CALN1: variants seen among roughly 807,000 people sequenced by gnomAD.
CALN1 encodes calcium-binding protein 8.
CALN1 carries 17 observed loss-of-function variants against 30.6 expected under a neutral mutation model. The observed-to-expected ratio is 0.56, with a 90% CI of 0.38 to 0.83. The LOEUF is 0.83. Ranked by LOEUF, CALN1 falls within the 40% of genes least tolerant of loss-of-function variation. The pLI is 0.00. For missense variants in CALN1, 291 were observed against 354.9 expected, an observed-to-expected ratio of 0.82 and a Z score of 1.45; for synonymous variants, 156 against 131.4, an observed-to-expected ratio of 1.19 and a Z score of -1.28.
At chr7:72,368,326 G>C (rs572782339) in intron 2 of CALN1, among the ~76,000 whole-genome samples, 8 of 151,256 alleles carry the variant, frequency 5.3e-5, no homozygotes, top group Admixed American at 4.0e-4. Flanking sequence ...CTTGTGATTT[G>C]TGCACTTTTT....
intron 2 of CALN1, among the ~76,000 whole-genome samples, chr7:72,359,714 G>T (rs1317500720): frequency 6.6e-6 from 1 of 151,954 alleles, no homozygotes; most frequent in Admixed American, 6.6e-5. Context: ...GATGGCTCAC[G>T]CCTGTAATCT....
intron 3 of CALN1, among the ~76,000 whole-genome samples, chr7:72,151,910 C>CTTTTTT (rs369752622): frequency 7.5e-6 from 1 of 132,864 alleles, no homozygotes; most frequent in Admixed American, 7.9e-5. Flanking sequence ...TTATTCTTTT[C>CTTTTTT]TTTTTTTTTT....
chr7:72,256,193 T>A (rs567110552), intron 3 of CALN1, among the ~76,000 whole-genome samples: 2 of 152,266 alleles, frequency 1.3e-5, no homozygotes, highest in Admixed American at 1.3e-4. Context: ...ACACAGTGGC[T>A]CACACCTATG....
chr7:72,477,170 C>T, the CALN1 span, among the ~76,000 whole-genome samples: 1 of 151,700 alleles, frequency 6.6e-6, no homozygotes, highest in South Asian at 2.1e-4. Flanking sequence ...GAGATCGTGC[C>T]ACTGAACTCC....
chr7:72,483,703 C>T, the CALN1 span, among the ~76,000 whole-genome samples: 2 of 152,074 alleles, frequency 1.3e-5, no homozygotes, highest in South Asian at 4.1e-4. Flanking sequence ...TTCTGCAATC[C>T]CTTCTCTCCT....
chr7:71,960,675 C>A (rs1365610928), intron 5 of CALN1, among the ~76,000 whole-genome samples: 2 of 152,092 alleles, frequency 1.3e-5, no homozygotes, highest in African/African-American at 4.8e-5. Context: ...TGATTTCTTT[C>A]CTGGTAGTGG....
intron 3 of CALN1, among the ~76,000 whole-genome samples, chr7:72,230,153 C>CA (rs374465144): frequency 1.3e-5 from 2 of 151,356 alleles, no homozygotes; most frequent in African/African-American, 4.9e-5. Flanking sequence ...AAAACAAAAA[C>CA]AAAAACAAAA....
intron 5 of CALN1, among the ~76,000 whole-genome samples, chr7:71,924,058 T>C (rs1168400249): frequency 2.0e-5 from 3 of 152,038 alleles, no homozygotes; most frequent in Non-Finnish European, 4.4e-5. Context: ...CCAGGCATGG[T>C]GGCGGCCACC....
intron 4 of CALN1, among the ~76,000 whole-genome samples, chr7:72,079,240 C>A (rs1270366570): frequency 3.9e-5 from 6 of 152,138 alleles, no homozygotes; most frequent in Non-Finnish European, 8.8e-5. Flanking sequence ...GACTTAATTT[C>A]TCTGTGCTTC....
At chr7:72,210,862 G>A (rs1225372827) in intron 3 of CALN1, among the ~76,000 whole-genome samples, 2 of 151,702 alleles carry the variant, frequency 1.3e-5, no homozygotes, top group Non-Finnish European at 2.9e-5. Flanking sequence ...ACCAGCCTGG[G>A]AAAGATGATG....
chr7:72,493,692 C>T, the CALN1 span, among the ~76,000 whole-genome samples: 1 of 152,164 alleles, frequency 6.6e-6, no homozygotes, highest in Non-Finnish European at 1.5e-5. Context: ...TCTTGAAGCC[C>T]TTCTGAAATG....
At chr7:72,449,495 T>A (rs1312119451), upstream of CALN1, among the ~76,000 whole-genome samples, 1 of 152,156 alleles carries the variant, frequency 6.6e-6, no homozygotes, top group Non-Finnish European at 1.5e-5. Context: ...CCTCCCTCTG[T>A]GCCCACTTTA....
the CALN1 span, among the ~76,000 whole-genome samples, chr7:72,468,855 T>C: frequency 6.6e-6 from 1 of 152,248 alleles, no homozygotes; most frequent in Admixed American, 6.5e-5. Flanking sequence ...TTTTTATATC[T>C]TCTTTGGGGA....
chr7:72,001,883 C>T (rs1483762269), intron 5 of CALN1, among the ~76,000 whole-genome samples: 1 of 152,144 alleles, frequency 6.6e-6, no homozygotes, highest in Non-Finnish European at 1.5e-5. Flanking sequence ...TCATATTTAA[C>T]ATTTTAAAAG....
chr7:72,410,655 T>C (rs1807061163), intron 1 of CALN1, among the ~76,000 whole-genome samples: 1 of 152,106 alleles, frequency 6.6e-6, no homozygotes. Flanking sequence ...CAAAACACCC[T>C]AAACCCTGGT....
intron 2 of CALN1, among the ~76,000 whole-genome samples, chr7:72,292,452 G>C (rs1422570977): frequency 6.8e-6 from 1 of 147,780 alleles, no homozygotes; most frequent in Non-Finnish European, 1.5e-5. Flanking sequence ...TTTGAGAGGT[G>C]ATTGGGTCAC....
At chr7:71,894,060 A>G (rs1299876816) in intron 5 of CALN1, among the ~76,000 whole-genome samples, 1 of 152,102 alleles carries the variant, frequency 6.6e-6, no homozygotes, top group Non-Finnish European at 1.5e-5. Context: ...TCAAACTCCT[A>G]TAGCTACTGA....
At chr7:72,224,809 C>A (rs373741686) in intron 3 of CALN1, among the ~76,000 whole-genome samples, 2 of 152,002 alleles carry the variant, frequency 1.3e-5, no homozygotes, top group East Asian at 3.9e-4. Context: ...CAGGATAAGG[C>A]CGGGCACGGT....
chr7:71,970,339 C>G (rs79065717), intron 5 of CALN1, among the ~76,000 whole-genome samples: 2 of 152,154 alleles, frequency 1.3e-5, no homozygotes, highest in African/African-American at 2.4e-5. Context: ...CTTAATCCTG[C>G]GAGAAAACAG....
Sources: gnomAD v4.1 joint callset for allele counts (sites outside exome capture counted in the v4.1 genomes callset) on GRCh38, gnomAD v4.1.1 for gene constraint, MANE v1.5 for transcripts, NCBI Gene and HGNC (gene_info 2026-07-23, HGNC 2026-07-21) for gene names.